SLC12A1: variants seen among roughly 807,000 people sequenced by gnomAD.
The protein encoded by SLC12A1 is solute carrier family 12 member 1.
In SLC12A1, 89 loss-of-function variants were observed where a neutral mutation model predicts 130.4. The observed-to-expected ratio is 0.68, with a 90% CI of 0.58 to 0.81. The LOEUF is 0.81. Ranked by LOEUF, SLC12A1 falls within the 40% of genes least tolerant of loss-of-function variation. SLC12A1 has a pLI of 0.00. For missense variants in SLC12A1, 1,310 were observed against 1,336.4 expected (o/e 0.98, Z 0.31); for synonymous variants, 499 against 460.0 (o/e 1.08, Z -1.09).
At chr15:48,291,729 A>G (rs1330231729) in intron 23 of SLC12A1, 49 bp from the exon 24 acceptor site, 4 of 1,134,384 alleles carry the variant, frequency 3.5e-6, no homozygotes, top group Non-Finnish European at 5.2e-6. Flanking sequence ...TCTTTGATTG[A>G]AAATAGTTAA....
At chr15:48,258,674 T>A (rs897688891) in intron 16 of SLC12A1, among the ~76,000 whole-genome samples, 2 of 152,200 alleles carry the variant, frequency 1.3e-5, no homozygotes, top group Non-Finnish European at 2.9e-5. Flanking sequence ...TGGGTATCTT[T>A]ACAGCAGCAC....
At chr15:48,237,247 G>A in intron 9 of SLC12A1, 2 of 522,910 alleles carry the variant, frequency 3.8e-6, no homozygotes, top group Non-Finnish European at 6.8e-6. Flanking sequence ...GGAATGGGAT[G>A]TAAGAAGGCA....
intron 16 of SLC12A1, among the ~76,000 whole-genome samples, chr15:48,256,622 G>A (rs1267302462): frequency 1.3e-5 from 2 of 152,160 alleles, no homozygotes; most frequent in African/African-American, 2.4e-5. Flanking sequence ...GGGAGTGTGT[G>A]CAGGGGAACT....
At chr15:48,213,125 A>C (rs76870643) in intron 2 of SLC12A1, among the ~76,000 whole-genome samples, 2,617 of 152,348 alleles carry the variant, frequency 0.017, 71 homozygotes, top group African/African-American at 0.061. Flanking sequence ...TCCAAGGTCA[A>C]GAAACCAAGG....
At chr15:48,241,639 G>A (rs773462328) in intron 10 of SLC12A1, 40 bp downstream of exon 10, 73 of 1,413,588 alleles carry the variant, frequency 5.2e-5, no homozygotes, top group Non-Finnish European at 6.3e-5. Context: ...TCAGAATTAC[G>A]AGGGGTCCAG....
intron 2 of SLC12A1, among the ~76,000 whole-genome samples, chr15:48,219,567 GAAAGAAAGATGAAA>G (rs554435798): frequency 1.1e-3 from 164 of 145,082 alleles, no homozygotes; most frequent in Non-Finnish European, 2.2e-3. Context: ...GAGAAGGAAA[GAAAGAAAGATGAAA>G]AAAGAAAGAT....
intron 19 of SLC12A1, among the ~76,000 whole-genome samples, chr15:48,272,636 C>G (rs911228401): frequency 4.6e-5 from 7 of 152,190 alleles, no homozygotes; most frequent in African/African-American, 1.7e-4. Context: ...CCATGTTGGC[C>G]AGGTTAGTCT....
intron 21 of SLC12A1, among the ~76,000 whole-genome samples, chr15:48,286,049 C>G (rs1490173964): frequency 6.6e-6 from 1 of 152,138 alleles, no homozygotes; most frequent in Admixed American, 6.6e-5. Flanking sequence ...GGAGGGTCTC[C>G]AAGTCAAACA....
At chr15:48,218,775 T>C (rs2041160046) in intron 2 of SLC12A1, among the ~76,000 whole-genome samples, 1 of 152,136 alleles carries the variant, frequency 6.6e-6, no homozygotes. Context: ...TCAAAATCTT[T>C]CCTAGAAAAG....
At position 48,220,987 on chromosome 15, in the gene SLC12A1, GCTGGA is replaced by G; in HGVS notation, c.620_624del (p.Ala207AspfsTer28). Reference sequence around the variant, plus strand: ...TCGCCTCTCCTGGATTGTTGGAGAAGCTGGAATTGGTAAGCATTTTTCCCCTCCTA... The same window carrying G: ...TCGCCTCTCCTGGATTGTTGGAGAAGATTGGTAAGCATTTTTCCCCTCCTA... On this transcript the variant is annotated frameshift_variant, in exon 4 of 27. Coordinates refer to ENST00000380993, the MANE Select transcript of SLC12A1 (RefSeq NM_000338.3). LOFTEE classifies it high-confidence loss of function. 6.2e-7 allele frequency: 1 copy of G among 1,613,950 alleles called. No homozygotes were observed. Among genetic ancestry groups the G allele is most frequent in the Non-Finnish European group, 8.5e-7 (1 of 1,179,820 alleles).
At chr15:48,274,500 G>A (rs956529630) in intron 19 of SLC12A1, 71 bp from the exon 20 acceptor site, 40 of 939,398 alleles carry the variant, frequency 4.3e-5, no homozygotes, top group Non-Finnish European at 6.5e-5. Context: ...AGAAGCAAGT[G>A]TAATACTAGT....
intron 20 of SLC12A1, among the ~76,000 whole-genome samples, chr15:48,284,305 T>C (rs1485734609): frequency 1.3e-5 from 2 of 152,256 alleles, no homozygotes; most frequent in African/African-American, 4.8e-5. Flanking sequence ...GATTTTGTTA[T>C]CTTTTCTTAA....
In SLC12A1 at chr15:48,288,196, A is replaced by C. The variant is rs151248536; in HGVS notation, c.2761+22A>C. ...GGAGGTAAAAACTTTCAGAAAATAC[A>C]CTAGGGACAAGAATTTCAATTTTGA... On this transcript the variant is annotated intron_variant, in intron 22 of 26. Transcript: ENST00000380993. 1.9e-4 allele frequency: 304 copies of C among 1,600,234 alleles called. 1 individual carries two copies. In the Admixed American group the frequency reaches 3.3e-3, roughly 17 times the overall value.
chr15:48,287,950 C>A, intron 21 of SLC12A1, 93 bp from the exon 22 acceptor site: 7 of 1,361,212 alleles, frequency 5.1e-6, no homozygotes, highest in Non-Finnish European at 6.9e-6. Flanking sequence ...AATCTGTGAC[C>A]TTTTCTCTAT....
At chr15:48,236,017 A>G (rs1343655649) in intron 9 of SLC12A1, among the ~76,000 whole-genome samples, 1 of 152,112 alleles carries the variant, frequency 6.6e-6, no homozygotes. Context: ...CCACATGCCC[A>G]GATAAAATTT....
intron 20 of SLC12A1, among the ~76,000 whole-genome samples, chr15:48,282,189 T>G (rs1027118698): frequency 1.4e-4 from 21 of 152,172 alleles, no homozygotes; most frequent in Non-Finnish European, 4.4e-5. Context: ...CAAGCTGATT[T>G]TAGCCTTTAG....
Position 48,267,557 on chromosome 15 carries a change from A to G in SLC12A1, c.2155-4A>G. 2 of 1,613,326 alleles carry G rather than the reference A, an allele frequency of 1.2e-6. No homozygotes were observed. The highest frequency in any genetic ancestry group is 1.7e-6 in the Non-Finnish European group (2 of 1,179,422). On this transcript the variant is annotated splice_region_variant and splice_polypyrimidine_tract_variant and intron_variant, in intron 17 of 26. Coordinates refer to ENST00000380993, the MANE Select transcript of SLC12A1 (RefSeq NM_000338.3). Reference sequence around the variant, plus strand: ...TCTAACCAATATTTCATTGTGTCACACAGGGACCGCGCAAACTGTGTGTTA... The same window carrying G: ...TCTAACCAATATTTCATTGTGTCACGCAGGGACCGCGCAAACTGTGTGTTA...
chr15:48,246,863 A>T, intron 11 of SLC12A1, 46 bp from the exon 12 acceptor site: 1 of 1,298,166 alleles, frequency 7.7e-7, no homozygotes, highest in South Asian at 1.2e-5. Context: ...TATGAAACAG[A>T]TTCCAAATCA....
At chr15:48,257,949 G>A (rs2041726281) in intron 16 of SLC12A1, among the ~76,000 whole-genome samples, 1 of 152,014 alleles carries the variant, frequency 6.6e-6, no homozygotes, top group Admixed American at 6.6e-5. Context: ...GTTTCCTCTT[G>A]AACACTTTGC....
Sources: gnomAD v4.1 joint callset for allele counts (sites outside exome capture counted in the v4.1 genomes callset) on GRCh38, gnomAD v4.1.1 for gene constraint, MANE v1.5 for transcripts, NCBI Gene and HGNC (gene_info 2026-07-23, HGNC 2026-07-21) for gene names.